The following RC3H2 variants were observed in gnomAD, a reference collection of about 807,000 sequenced individuals.
The protein encoded by RC3H2 is ring finger and CCCH-type domains 2.
In RC3H2, 31 loss-of-function variants were observed where a neutral mutation model predicts 133.3. The observed-to-expected ratio is 0.23, with a 90% CI of 0.17 to 0.31. The LOEUF (loss-of-function observed/expected upper bound fraction) is 0.31. Ranked by LOEUF, RC3H2 falls within the 10% of genes least tolerant of loss-of-function variation. RC3H2 has a pLI of 1.00. For synonymous variants in RC3H2, 517 were observed against 502.2 expected (o/e 1.03, Z -0.40); for missense variants, 1,175 against 1,437.2 (o/e 0.82, Z 2.95).
intron 18 of RC3H2, among the ~76,000 whole-genome samples, chr9:122,852,542 AG>A (rs1480060560): frequency 1.4e-5 from 2 of 144,010 alleles, no homozygotes; most frequent in African/African-American, 2.6e-5. Flanking sequence ...TGGGGGGGTC[AG>A]CCCCCCGCCC....
intron 3 of RC3H2, among the ~76,000 whole-genome samples, chr9:122,891,240 C>T (rs936395584): frequency 2.0e-5 from 3 of 152,052 alleles, no homozygotes; most frequent in Admixed American, 6.6e-5. Context: ...CCAGGGTGGT[C>T]TCAAATTCCT....
intron 14 of RC3H2, 92 bp downstream of exon 14, chr9:122,855,640 T>A (rs1830214317): frequency 7.2e-7 from 1 of 1,384,508 alleles, no homozygotes; most frequent in African/African-American, 1.4e-5. Context: ...GGCAACAATA[T>A]GAATGAATGA....
rs1829841960 is a variant in RC3H2, at chr9:122,845,129, G to A, written c.*4498C>T. 1 of 152,056 alleles carries A rather than the reference G, an allele frequency of 6.6e-6. No homozygotes were observed. Among genetic ancestry groups the A allele is most frequent in the Non-Finnish European group, 1.5e-5 (1 of 68,012 alleles). 9.4% of individuals were successfully genotyped at this position (152,056 alleles called of 1,614,324 possible). ...ATATTCACACTAGAGCTTCACAATC[G>A]GTTGTACAATTGACAAACAGGCCTC... On this transcript the variant is annotated 3_prime_UTR_variant, in exon 21 of 21. Transcript: ENST00000357244.
At chr9:122,852,611 G>A (rs1012106702) in intron 18 of RC3H2, among the ~76,000 whole-genome samples, 1 of 150,486 alleles carries the variant, frequency 6.6e-6, no homozygotes, top group Non-Finnish European at 1.5e-5. Flanking sequence ...CCGGCCAGCC[G>A]CCCTGACCGG....
intron 1 of RC3H2, 127 bp from the exon 2 acceptor site, chr9:122,897,703 G>T: frequency 3.1e-6 from 2 of 653,396 alleles, no homozygotes; most frequent in South Asian, 2.3e-5. Context: ...ACCTTTGGAT[G>T]TCTTTTTTAA....
intron 20 of RC3H2, among the ~76,000 whole-genome samples, chr9:122,850,235 A>G (rs1159411660): frequency 6.6e-6 from 1 of 152,046 alleles, no homozygotes; most frequent in Non-Finnish European, 1.5e-5. Flanking sequence ...TCGGCCTCCC[A>G]AAGTGCTGGG....
At chr9:122,878,557 A>T (rs1259467965) in intron 8 of RC3H2, among the ~76,000 whole-genome samples, 2 of 151,886 alleles carry the variant, frequency 1.3e-5, no homozygotes, top group Non-Finnish European at 2.9e-5. Context: ...GACATGAGCC[A>T]CCGCGCCCAG....
chr9:122,860,256 A>G (rs1473969583), intron 10 of RC3H2, 125 bp from the exon 11 acceptor site: 5 of 685,602 alleles, frequency 7.3e-6, no homozygotes, highest in Non-Finnish European at 1.2e-5. Flanking sequence ...ACATTGCCAC[A>G]TTGACAAATA....
intron 9 of RC3H2, among the ~76,000 whole-genome samples, chr9:122,867,478 G>A (rs1382559216): frequency 8.1e-5 from 12 of 147,582 alleles, no homozygotes; most frequent in African/African-American, 1.3e-4. Context: ...CCCCCCGCCC[G>A]GCCAGCCGCC....
In RC3H2 at chr9:122,858,841, G is replaced by T. The variant is rs768041988; in HGVS notation, c.2111C>A (p.Pro704His). 1 of 1,614,284 alleles carries T rather than the reference G, an allele frequency of 6.2e-7. No individual in the cohort carries two copies. The highest frequency in any genetic ancestry group is 2.2e-5 in the East Asian group (1 of 44,892). ...VYDSRRIWRPPMYQRDDIIRS... is the reference protein window; with the variant it reads ...VYDSRRIWRPHMYQRDDIIRS... ...AATAATGTCATCTCGTTGGTACATA[G>T]GTGGGCGCCAGATGCGCCTGCTGTC... Residue 704 changes from proline to histidine, a missense_variant, in exon 12 of 21, where the codon CCT becomes CAT. By Grantham distance (77) the Pro-to-His change is moderately conservative. This residue lies in a region of RC3H2 where 490 missense variants were observed against 492.8 expected (regional missense o/e 0.99). Transcript: ENST00000357244.
chr9:122,891,834 A>C (rs1832190946), intron 3 of RC3H2, among the ~76,000 whole-genome samples: 1 of 152,218 alleles, frequency 6.6e-6, no homozygotes, highest in African/African-American at 2.4e-5. Flanking sequence ...TATACCTATG[A>C]TGTGCTAAGT....
chr9:122,899,090 GTT>G (rs1183512993), intron 1 of RC3H2, among the ~76,000 whole-genome samples: 69,290 of 88,434 alleles, frequency 0.78, 28,822 homozygotes, highest in Middle Eastern at 0.88. Context: ...CCTTTATTGT[GTT>G]TTTTTTTTTT....
At chr9:122,890,660 G>A in intron 3 of RC3H2, 115 bp from the exon 4 acceptor site, 1 of 721,184 alleles carries the variant, frequency 1.4e-6, no homozygotes, top group Non-Finnish European at 2.3e-6. Context: ...CCCTTGTAAT[G>A]TGCTTTCATT....
chr9:122,858,755 G>A lies in RC3H2; in HGVS notation c.2197C>T (p.Arg733Trp), dbSNP rs548675904. 7.4e-6 allele frequency: 12 copies of A among 1,614,184 alleles called. No homozygotes were observed. Among genetic ancestry groups the A allele is most frequent in the Admixed American group, 6.7e-5 (4 of 60,030 alleles). ...MHSSVYQTSLRERYNSLDGYY... is the reference protein window; with the variant it reads ...MHSSVYQTSLWERYNSLDGYY... The stretch of plus-strand genomic sequence containing the variant: ...CCATCTAATGAGTTATATCTTTCCC[G>A]CAAAGATGTCTGATAGACAGATGAG... Residue 733 changes from arginine (R) to tryptophan (W), a missense_variant, in exon 12 of 21, where the codon CGG (arginine) becomes TGG (tryptophan). This residue lies in a region of RC3H2 where 490 missense variants were observed against 492.8 expected (regional missense o/e 0.99). Transcript: ENST00000357244.
chr9:122,888,547 C>T (rs1248611940), intron 4 of RC3H2, among the ~76,000 whole-genome samples: 2 of 152,196 alleles, frequency 1.3e-5, no homozygotes, highest in African/African-American at 4.8e-5. Flanking sequence ...TTTTCTCCCT[C>T]CTTCTCTTAC....
chr9:122,891,487 A>G (rs1832169169), intron 3 of RC3H2, among the ~76,000 whole-genome samples: 1 of 152,136 alleles, frequency 6.6e-6, no homozygotes, highest in African/African-American at 2.4e-5. Context: ...ACCCACCCCA[A>G]TCAAATTTTT....
intron 6 of RC3H2, 89 bp from the exon 7 acceptor site, chr9:122,880,214 C>A (rs370485400): frequency 2.8e-6 from 4 of 1,408,312 alleles, no homozygotes; most frequent in Non-Finnish European, 4.0e-6. Flanking sequence ...ATATTTAATA[C>A]GTTTTCAAGT....
intron 3 of RC3H2, 83 bp downstream of exon 3, chr9:122,892,826 A>T: frequency 1.9e-6 from 2 of 1,034,156 alleles, no homozygotes; most frequent in Non-Finnish European, 3.0e-6. Flanking sequence ...TCCATAACTT[A>T]ATAGGGTATC....
In RC3H2 at chr9:122,855,407, C is replaced by T. The variant is rs1354673113; in HGVS notation, c.2602-10G>A. 2 of 1,607,974 alleles carry T rather than the reference C, an allele frequency of 1.2e-6. No individual in the cohort carries two copies. Among genetic ancestry groups the T allele is most frequent in the Non-Finnish European group, 1.7e-6 (2 of 1,175,922 alleles). On this transcript the variant is annotated splice_polypyrimidine_tract_variant and intron_variant, in intron 14 of 20. Transcript: ENST00000357244. ...CACCACTGTCCAGGTCCTATGTAAA[C>T]CAAAGAAAATCAATAAAAGGACTGT...
Sources: allele counts gnomAD v4.1 joint callset (sites outside exome capture counted in the v4.1 genomes callset), GRCh38; gene constraint gnomAD v4.1.1; regional missense constraint gnomAD v4.1.1; transcripts MANE v1.5; gene names NCBI Gene and HGNC (gene_info 2026-07-23, HGNC 2026-07-21).